TMC1: variants seen among roughly 807,000 people sequenced by gnomAD.
TMC1 encodes the protein transmembrane channel like 1.
A neutral mutation model predicts 105.8 loss-of-function variants in TMC1; 84 were observed. The observed-to-expected ratio is 0.79, with a 90% CI of 0.67 to 0.95. The LOEUF (loss-of-function observed/expected upper bound fraction) is 0.95, where lower values mean the gene tolerates loss of function less well. TMC1 is among the 40% of genes least tolerant of loss of function. The probability of loss-of-function intolerance (pLI) is 0.00; values close to 1 mark genes in which losing one functional copy is unlikely to be tolerated. For missense variants in TMC1, 817 were observed against 914.1 expected, an observed-to-expected ratio of 0.89 and a Z score of 1.37; for synonymous variants, 315 against 311.5, an observed-to-expected ratio of 1.01 and a Z score of -0.12.
rs557456099 is a variant in TMC1 at position 72,713,435 on chromosome 9, T to G, written c.362+12792T>G. Among the ~76,000 whole-genome samples, 4 of 152,346 alleles carry G rather than the reference T, an allele frequency of 2.6e-5. No individual in the cohort carries two copies. The East Asian group carries it at 7.7e-4, about 29-fold the overall frequency. On this transcript the variant is annotated intron_variant, in intron 8 of 23. Coordinates refer to ENST00000297784, the MANE Select transcript of TMC1 (RefSeq NM_138691.3). The stretch of plus-strand genomic sequence containing the variant: ...TTTTGGTTGGTAGGCTATTAATTGC[T>G]GCCTCAATTTCAGAACTTGTTATTG...
intron 10 of TMC1, among the ~76,000 whole-genome samples, chr9:72,751,168 A>G (rs1827574452): frequency 6.6e-6 from 1 of 152,058 alleles, no homozygotes; most frequent in Admixed American, 6.5e-5. Context: ...TATCTTACAT[A>G]TTTGTTGTAT....
chr9:72,662,150 C>A (rs964920661), intron 5 of TMC1, among the ~76,000 whole-genome samples: 2 of 151,846 alleles, frequency 1.3e-5, no homozygotes, highest in African/African-American at 4.8e-5. Flanking sequence ...CTTCTTTTTC[C>A]AACTACTACA....
chr9:72,774,490 C>T (rs1827978097), intron 13 of TMC1, among the ~76,000 whole-genome samples: 1 of 152,130 alleles, frequency 6.6e-6, no homozygotes, highest in Non-Finnish European at 1.5e-5. Context: ...CCAGATGTTG[C>T]TGGTGGAACA....
At chr9:72,528,905 G>C (rs951943971) in intron 1 of TMC1, among the ~76,000 whole-genome samples, 5 of 151,434 alleles carry the variant, frequency 3.3e-5, no homozygotes, top group African/African-American at 1.2e-4. Flanking sequence ...CCATATCCAT[G>C]GGTCAAAATT....
intron 12 of TMC1, among the ~76,000 whole-genome samples, chr9:72,764,785 G>A (rs1368169896): frequency 6.6e-6 from 1 of 152,076 alleles, no homozygotes; most frequent in Non-Finnish European, 1.5e-5. Flanking sequence ...AATATAAATT[G>A]AAGTCAGATG....
At chr9:72,733,775 T>G (rs528876096) in intron 8 of TMC1, among the ~76,000 whole-genome samples, 2 of 152,320 alleles carry the variant, frequency 1.3e-5, no homozygotes, top group South Asian at 4.2e-4. Context: ...CTAGCAAGAA[T>G]TTCTTTTCCC....
At position 72,693,449 on chromosome 9, in the gene TMC1, A is replaced by G. The variant is rs140359631; in HGVS notation, c.65-1094A>G. On this transcript the variant is annotated intron_variant, in intron 6 of 23. Coordinates refer to ENST00000297784, the MANE Select transcript of TMC1 (RefSeq NM_138691.3). ...GGGGGCTTGTCTCTCCTTTGGAAAGAGTTCATTTGGATGTCTACAGATAAA... is the reference window on the plus strand; with the variant it reads ...GGGGGCTTGTCTCTCCTTTGGAAAGGGTTCATTTGGATGTCTACAGATAAA... Among the ~76,000 whole-genome samples the G allele has an allele frequency of 4.7e-3, 716 of 152,312 alleles. 3 individuals carry two copies. The highest frequency in any genetic ancestry group is 0.015 in the African/African-American group (641 of 41,572).
chr9:72,524,176 T>C (rs368261217), intron 1 of TMC1, among the ~76,000 whole-genome samples: 10 of 152,254 alleles, frequency 6.6e-5, no homozygotes, highest in Non-Finnish European at 1.2e-4. Flanking sequence ...GTCGTTTTTT[T>C]CTTCAGGTTT....
chr9:72,613,062 T>A (rs1825059940), intron 2 of TMC1, among the ~76,000 whole-genome samples: 1 of 152,124 alleles, frequency 6.6e-6, no homozygotes, highest in Non-Finnish European at 1.5e-5. Context: ...TTTTTCTAGT[T>A]CTTATTTTTT....
intron 4 of TMC1, among the ~76,000 whole-genome samples, chr9:72,633,555 G>A (rs1413618598): frequency 6.6e-6 from 1 of 152,078 alleles, no homozygotes; most frequent in Non-Finnish European, 1.5e-5. Context: ...AGTTGATTTT[G>A]ACCTTAATTT....
intron 2 of TMC1, chr9:72,578,296 G>C (rs997401210): frequency 7.4e-6 from 1 of 135,954 alleles, no homozygotes; most frequent in African/African-American, 3.1e-5. Flanking sequence ...GTGTGTGTGT[G>C]TGTGTGTGTA....
intron 2 of TMC1, among the ~76,000 whole-genome samples, chr9:72,585,388 G>A (rs1416361889): frequency 6.6e-6 from 1 of 151,660 alleles, no homozygotes; most frequent in African/African-American, 2.4e-5. Context: ...CTGACCTCGT[G>A]ATCTGCCCGC....
intron 12 of TMC1, among the ~76,000 whole-genome samples, 187 bp downstream of exon 12, chr9:72,755,071 GGAGAGAGAGAGA>G (rs55848138): frequency 7.9e-5 from 10 of 126,940 alleles, no homozygotes; most frequent in Admixed American, 7.0e-4. Flanking sequence ...AGGGAGGGAG[GGAGAGAGAGAGA>G]GAGAGAGAGA....
chr9:72,614,562 G>C (rs1825089166), intron 2 of TMC1, among the ~76,000 whole-genome samples: 1 of 152,128 alleles, frequency 6.6e-6, no homozygotes, highest in African/African-American at 2.4e-5. Context: ...TTTTTGCAAG[G>C]TTTTCAAGGG....
At chr9:72,575,506 A>G (rs897886574) in intron 1 of TMC1, among the ~76,000 whole-genome samples, 4 of 152,162 alleles carry the variant, frequency 2.6e-5, no homozygotes, top group Non-Finnish European at 4.4e-5. Context: ...ATTAAATACC[A>G]TGTCGTTAAA....
chr9:72,820,311 T>C (rs1311101086), intron 19 of TMC1, among the ~76,000 whole-genome samples: 1 of 152,222 alleles, frequency 6.6e-6, no homozygotes, highest in Non-Finnish European at 1.5e-5. Context: ...AAAACTTTTT[T>C]CATTTGTACA....
chr9:72,754,512 G>A (rs1827640915), intron 11 of TMC1, among the ~76,000 whole-genome samples: 1 of 152,120 alleles, frequency 6.6e-6, no homozygotes, highest in Non-Finnish European at 1.5e-5. Flanking sequence ...GGTGGTGGTG[G>A]TGGCAATGGG....
At chr9:72,601,577 G>A (rs532099070) in intron 2 of TMC1, among the ~76,000 whole-genome samples, 2 of 152,280 alleles carry the variant, frequency 1.3e-5, no homozygotes, top group East Asian at 3.9e-4. Context: ...CCCAAGAGGT[G>A]GAGGTTGTAG....
At chr9:72,525,478 TAAC>T (rs1304713781) in intron 1 of TMC1, among the ~76,000 whole-genome samples, 2 of 152,214 alleles carry the variant, frequency 1.3e-5, no homozygotes, top group African/African-American at 4.8e-5. Flanking sequence ...TGTCTTGCTT[TAAC>T]AACAGTGTGA....
Sources: allele counts gnomAD v4.1 joint callset (sites outside exome capture counted in the v4.1 genomes callset), GRCh38; gene constraint gnomAD v4.1.1; transcripts MANE v1.5; gene names NCBI Gene and HGNC (gene_info 2026-07-23, HGNC 2026-07-21).